The following TRPV5 variants were observed in gnomAD, a reference collection of about 807,000 sequenced individuals.
TRPV5 encodes the protein calcium transport protein 2.
Under a neutral mutation model 74.1 loss-of-function variants are expected in TRPV5, and 66 were observed. The observed-to-expected ratio is 0.89, with a 90% CI of 0.73 to 1.09. The LOEUF (loss-of-function observed/expected upper bound fraction) is 1.09, where lower values mean the gene tolerates loss of function less well. Among genes scored for constraint, TRPV5 ranks in the 50% least tolerant of loss-of-function variants. TRPV5 has a pLI of 0.00. For synonymous variants in TRPV5, 399 were observed against 360.7 expected (o/e 1.11, Z -1.20); for missense variants, 936 against 930.4 (o/e 1.01, Z -0.08).
intron 4 of TRPV5, 89 bp from the exon 5 acceptor site, chr7:142,929,209 C>A: frequency 6.5e-7 from 1 of 1,528,902 alleles, no homozygotes; most frequent in Non-Finnish European, 8.9e-7. Flanking sequence ...TCCTCCTCAT[C>A]CCCCATATCT....
chr7:142,912,840 C>CTATG (rs1419763310), intron 12 of TRPV5, 90 bp from the exon 13 acceptor site: 2 of 755,264 alleles, frequency 2.6e-6, no homozygotes, highest in Non-Finnish European at 4.2e-6. Flanking sequence ...TATCTCTGAT[C>CTATG]TATCTATCTA....
Position 142,928,729 on chromosome 7 carries a change from T to C in TRPV5, c.724A>G (p.Thr242Ala). ...TCCACTCCAGCCAGCTTGAAGGGGG[T>C]GAGACCCTGGTGATTGGGCACAAGG... is the stretch of plus-strand genomic sequence containing the variant. ...LDLVPNHQGL[T>A]PFKLAGVEGN... is the part of the protein sequence containing the mutation. Residue 242 changes from threonine (T) to alanine (A), a missense_variant, in exon 6 of 15, where the codon ACC becomes GCC. Coordinates refer to ENST00000265310, the MANE Select transcript of TRPV5 (RefSeq NM_019841.7). 1 of 1,613,976 alleles carries C rather than the reference T, an allele frequency of 6.2e-7. No homozygotes were observed. Among genetic ancestry groups the C allele is most frequent in the South Asian group, 1.1e-5 (1 of 91,064 alleles).
chr7:142,929,682 C>A (rs555669159), intron 3 of TRPV5, 117 bp from the exon 4 acceptor site: 212 of 1,471,150 alleles, frequency 1.4e-4, no homozygotes, highest in Non-Finnish European at 1.1e-4. Flanking sequence ...AGACTTCTGC[C>A]CTGGGCTTGG....
At chr7:142,912,996 T>C (rs971078210) in intron 12 of TRPV5, among the ~76,000 whole-genome samples, 2 of 152,200 alleles carry the variant, frequency 1.3e-5, no homozygotes, top group East Asian at 1.9e-4. Context: ...GTAATGGTCA[T>C]GGTAATAGTC....
chr7:142,930,257 C>T, intron 2 of TRPV5, 77 bp from the exon 3 acceptor site: 1 of 1,606,370 alleles, frequency 6.2e-7, no homozygotes, highest in Non-Finnish European at 8.5e-7. Context: ...CCAGAGACAC[C>T]CTCCAAGGCC....
chr7:142,915,196 A>T, intron 10 of TRPV5, 111 bp downstream of exon 10: 1 of 1,520,866 alleles, frequency 6.6e-7, no homozygotes, highest in Non-Finnish European at 9.0e-7. Context: ...TCCACTGGAG[A>T]GAAGTCCTTG....
chr7:142,909,307 A>G (rs1795668544), intron 14 of TRPV5, among the ~76,000 whole-genome samples, 183 bp downstream of exon 14: 2 of 152,178 alleles, frequency 1.3e-5, no homozygotes, highest in Admixed American at 1.3e-4. Context: ...GCATGGACAC[A>G]TGCACACAAC....
intron 12 of TRPV5, among the ~76,000 whole-genome samples, chr7:142,913,478 T>C (rs1303251911): frequency 1.3e-5 from 2 of 151,856 alleles, no homozygotes; most frequent in African/African-American, 4.8e-5. Flanking sequence ...ATTTAGAGAG[T>C]TCTGGATAGA....
intron 8 of TRPV5, chr7:142,925,080 A>G (rs1795960276): frequency 4.6e-6 from 1 of 215,788 alleles, no homozygotes; most frequent in Non-Finnish European, 9.4e-6. Flanking sequence ...CATTATTCCC[A>G]TGGGCCCATA....
chr7:142,931,792 C>T (rs1383059437), intron 1 of TRPV5, among the ~76,000 whole-genome samples: 1 of 152,160 alleles, frequency 6.6e-6, no homozygotes, highest in African/African-American at 2.4e-5. Context: ...ACTTCCGCCT[C>T]CTGGGTTCAA....
At position 142,930,041 on chromosome 7, in the gene TRPV5, C is replaced by T. The variant is rs1215606420; in HGVS notation, c.349+17G>A. Reference sequence around the variant, plus strand: ...ATCTCAAAGTTTCCACCTTGAATTACCATGTAGGCTCCTTACCTGCAAAAG... The same window carrying T: ...ATCTCAAAGTTTCCACCTTGAATTATCATGTAGGCTCCTTACCTGCAAAAG... On this transcript the variant is annotated intron_variant, in intron 3 of 14. Coordinates refer to ENST00000265310, the MANE Select transcript of TRPV5 (RefSeq NM_019841.7). 1.2e-6 allele frequency: 2 copies of T among 1,613,690 alleles called. No homozygotes were observed. Among genetic ancestry groups the T allele is most frequent in the South Asian group, 1.1e-5 (1 of 91,014 alleles).
chr7:142,929,326 G>T (rs763353829), intron 4 of TRPV5, 102 bp downstream of exon 4: 3 of 1,552,564 alleles, frequency 1.9e-6, no homozygotes, highest in Non-Finnish European at 1.7e-6. Flanking sequence ...CCTCTCAACT[G>T]CCCAACAGAT....
At chr7:142,920,609 T>C (rs1285539906) in intron 8 of TRPV5, among the ~76,000 whole-genome samples, 1 of 152,156 alleles carries the variant, frequency 6.6e-6, no homozygotes, top group African/African-American at 2.4e-5. Flanking sequence ...AAGGTGAGGA[T>C]TCTGAAGGGA....
chr7:142,917,636 T>C (rs1208939578), intron 8 of TRPV5, among the ~76,000 whole-genome samples: 1 of 152,226 alleles, frequency 6.6e-6, no homozygotes, highest in Non-Finnish European at 1.5e-5. Context: ...CAAGTACGCA[T>C]TACTCTGCAC....
chr7:142,927,311 T>C (rs1436487278), intron 7 of TRPV5, among the ~76,000 whole-genome samples: 4 of 152,310 alleles, frequency 2.6e-5, no homozygotes, highest in Middle Eastern at 6.8e-3. Flanking sequence ...GGACTGAGAA[T>C]TGAGGAAGTT....
Position 142,928,858 on chromosome 7 carries a change from C to G in TRPV5, c.595G>C (p.Val199Leu). Residue 199 changes from valine to leucine, a missense_variant, in exon 6 of 15, where the codon GTA becomes CTA. Transcript: ENST00000265310. ...GGCTGGAGGATGAGGATGTGTAATA[C>G]TGTGTTTCCTGGGGAGGACGCAGGG... ...IRAQDSLGNT[V>L]LHILILQPNK... 1.2e-6 allele frequency: 2 copies of G among 1,613,896 alleles called. No homozygotes were observed. The highest frequency in any genetic ancestry group is 4.5e-5 in the East Asian group (2 of 44,880).
rs748180792 is a variant in TRPV5 at position 142,928,162 on chromosome 7, C to T, written c.835G>A (p.Asp279Asn). 2.5e-6 allele frequency: 4 copies of T among 1,614,146 alleles called. No individual in the cohort carries two copies. Among genetic ancestry groups the T allele is most frequent in the South Asian group, 2.2e-5 (2 of 91,084 alleles). The change falls in exon 7 of 15, where the codon GAC becomes AAC. Residue 279 changes from aspartate (D) to asparagine (N), a missense_variant. By Grantham distance (23) the Asp-to-Asn change is conservative. Transcript: ENST00000265310. ...TYGPLTSILY[D>N]LTEIDSWGEE... is the part of the protein sequence containing the mutation. ...CCCCAGGAGTCGATCTCCGTGAGGT[C>T]GTAGAGAATGGAGGTCAGGGGTCCA...
chr7:142,909,568 C>T lies in TRPV5; in HGVS notation c.1817G>A (p.Arg606Gln), dbSNP rs143560130. 3.0e-5 allele frequency: 49 copies of T among 1,613,952 alleles called. No homozygotes were observed. The highest frequency in any genetic ancestry group is 3.7e-5 in the Non-Finnish European group (44 of 1,180,044). ...AGGCCACAGGCAGCGAGGCAGCTTC[C>T]GCTCCAGCATCACTGTGGTGGCCAC... ...QVVATTVMLERKLPRCLWPRS... is the reference protein window; with the variant it reads ...QVVATTVMLEQKLPRCLWPRS... The change falls in exon 14 of 15, where the codon CGG becomes CAG. Residue 606 changes from arginine (R) to glutamine (Q), a missense_variant. Arg to Gln is a conservative substitution (Grantham distance 43, BLOSUM62 1). Transcript: ENST00000265310.
In TRPV5 at chr7:142,915,537, CTGA is replaced by C; in HGVS notation, c.1151_1153del (p.Ile384del). The C allele has an allele frequency of 6.2e-7, 1 of 1,614,180 alleles. No homozygotes were observed. The highest frequency in any genetic ancestry group is 8.5e-7 in the Non-Finnish European group (1 of 1,180,042). ...GATGCTCACCAGCTCCCCCACCAGC[CTGA>C]TGATATCTTCACGTGTCTCATAGGC... On this transcript the variant is annotated inframe_deletion, in exon 9 of 15. Coordinates refer to ENST00000265310, the MANE Select transcript of TRPV5 (RefSeq NM_019841.7).
Sources: allele counts gnomAD v4.1 joint callset (sites outside exome capture counted in the v4.1 genomes callset), GRCh38; gene constraint gnomAD v4.1.1; transcripts MANE v1.5; gene names NCBI Gene and HGNC (gene_info 2026-07-23, HGNC 2026-07-21).